The following KCP variants were observed in gnomAD, a reference collection of about 807,000 sequenced individuals.
The protein encoded by KCP is kielin cysteine rich BMP regulator.
A neutral mutation model predicts 212.7 loss-of-function variants in KCP; 194 were observed. The ratio of observed to expected loss-of-function variants is 0.91; its 90% CI spans 0.81 to 1.03. The LOEUF (loss-of-function observed/expected upper bound fraction) is 1.03, where lower values mean the gene tolerates loss of function less well. Among genes scored for constraint, KCP ranks in the 50% least tolerant of loss-of-function variants. The pLI, the probability that KCP is intolerant of heterozygous loss-of-function variation, is 0.00. For synonymous variants in KCP, 833 were observed against 865.3 expected (o/e 0.96, Z 0.65); for missense variants, 2,080 against 2,162.5 (o/e 0.96, Z 0.76).
rs1323884628 is a variant in KCP, at chr7:128,877,099, C to T, written c.4831G>A (p.Asp1611Asn). ...EACPQVLLTG[D>N]QPLGARPSPS... is the part of the protein sequence containing the mutation. ...CTGGGCCGAGCACCAAGTGGCTGGT[C>T]TCCAGTGAGCAGGACTTGGGGGCAG... The change falls in exon 40 of 40, where the codon GAC becomes AAC. Residue 1611 changes from aspartate (D) to asparagine (N), a missense_variant. By Grantham distance (23) the Asp-to-Asn change is conservative. Coordinates refer to ENST00000610776, the MANE Select transcript of KCP (RefSeq NM_001366122.1). 4.0e-6 allele frequency: 6 copies of T among 1,518,644 alleles called. No individual in the cohort carries two copies. The highest frequency in any genetic ancestry group is 4.4e-6 in the Non-Finnish European group (5 of 1,137,272). 94.1% of individuals were successfully genotyped at this position (1,518,644 alleles called of 1,614,324 possible). A position where few individuals can be genotyped will look rare whatever the true frequency, so the allele number is the denominator to read the frequency against.
In KCP at chr7:128,902,832, T is replaced by TCC. The variant is rs1563051084; in HGVS notation, c.774_775dup (p.Glu259GlyfsTer55). On this transcript the variant is annotated frameshift_variant, in exon 8 of 40. Coordinates refer to ENST00000610776, the MANE Select transcript of KCP (RefSeq NM_001366122.1). LOFTEE classifies it high-confidence loss of function. ...AGGTGTTGTCCACTCTTGGCCATGTTCCCAGTGAGAGCCACCTTCTGTGCA... is the reference window on the plus strand; with the variant it reads ...AGGTGTTGTCCACTCTTGGCCATGTTCCCCCAGTGAGAGCCACCTTCTGTGCA... 14 of 1,551,452 alleles carry TCC rather than the reference T, an allele frequency of 9.0e-6. No homozygotes were observed. The highest frequency in any genetic ancestry group is 1.4e-5 in the African/African-American group (1 of 73,152).
At chr7:128,881,134 C>T (rs1196563358) in intron 31 of KCP, 49 bp from the exon 32 acceptor site, 1 of 398,908 alleles carries the variant, frequency 2.5e-6, no homozygotes, top group Non-Finnish European at 4.4e-6. Flanking sequence ...CCTGCTGTAT[C>T]CTCCCTCCTT....
intron 20 of KCP, 24 bp downstream of exon 20, chr7:128,890,881 G>T: frequency 8.0e-7 from 1 of 1,249,846 alleles, no homozygotes; most frequent in Non-Finnish European, 1.0e-6. Flanking sequence ...CGGGTGGCCG[G>T]GAGGGGCACC....
rs372463038 is a variant in KCP at position 128,891,726 on chromosome 7, G to A, written c.1715C>T (p.Ala572Val). The A allele has an allele frequency of 2.2e-3, 3,135 of 1,447,680 alleles. 75 individuals are homozygous for A. In the South Asian group the frequency reaches 0.04, roughly 18 times the overall value. The allele number at this position is 1,447,680 out of a possible 1,614,324, so 89.7% of individuals were successfully genotyped here. ...CQECRCQEGHAHCQPRPCPRA... is the reference protein window; with the variant it reads ...CQECRCQEGHVHCQPRPCPRA... ...GGGGCAGGGGCGAGGCTGGCAGTGG[G>A]CATGGCCTTCCTGGCATCGGCACTC... Residue 572 changes from alanine (A) to valine (V), a missense_variant, in exon 17 of 40, where the codon GCC (alanine) becomes GTC (valine). Physicochemically the swap from Ala to Val is moderately conservative, Grantham distance 64. Coordinates refer to ENST00000610776, the MANE Select transcript of KCP (RefSeq NM_001366122.1).
Position 128,893,793 on chromosome 7 carries a change from G to A in KCP, c.1099+13C>T, listed in dbSNP as rs1291173760. 3.9e-5 allele frequency: 61 copies of A among 1,548,728 alleles called. No homozygotes were observed. The highest frequency in any genetic ancestry group is 2.7e-4 in the African/African-American group (20 of 73,032). ...GGCCTGCCCCTCCCGCAGAGACCCC[G>A]GCCCCCACTCACCATCGCAGACAGG... On this transcript the variant is annotated intron_variant, in intron 11 of 39. Transcript: ENST00000610776.
At position 128,881,656 on chromosome 7, in the gene KCP, G is replaced by C; in HGVS notation, c.3394C>G (p.Pro1132Ala). ...LSCPLSERHT[P>A]PGSCCPVCRE... Reference sequence around the variant, plus strand: ...CATACGGGGCAGCAGCTCCCAGGGGGAGTGTGGCGCTCTGAGAGGGGACAG... The same window carrying C: ...CATACGGGGCAGCAGCTCCCAGGGGCAGTGTGGCGCTCTGAGAGGGGACAG... The change falls in exon 31 of 40, where the codon CCC becomes GCC. Residue 1132 changes from proline (P) to alanine (A), a missense_variant. Transcript: ENST00000610776. 2 of 1,512,820 alleles carry C rather than the reference G, an allele frequency of 1.3e-6. No individual in the cohort carries two copies. The highest frequency in any genetic ancestry group is 1.8e-6 in the Non-Finnish European group (2 of 1,136,694). 93.7% of individuals were successfully genotyped at this position (1,512,820 alleles called of 1,614,324 possible). A position where few individuals can be genotyped will look rare whatever the true frequency, so the allele number is the denominator to read the frequency against.
At position 128,907,289 on chromosome 7, in the gene KCP, G is replaced by A. The variant is rs781574662; in HGVS notation, c.384C>T (p.Pro128=). Residue 128 remains proline, a synonymous_variant, in exon 3 of 40, where the codon CCC becomes CCT. Coordinates refer to ENST00000610776, the MANE Select transcript of KCP (RefSeq NM_001366122.1). ...CCCTGCAATGGGGCAGGTGTGCTTG[G>A]GGGCCACAGTGAGCGGCCCCATCCT... ...VCQDGAAHCG[P]QAHLPHCRGC... 1 of 1,535,852 alleles carries A rather than the reference G, an allele frequency of 6.5e-7. No individual in the cohort carries two copies. Among genetic ancestry groups the A allele is most frequent in the African/African-American group, 1.4e-5 (1 of 72,848 alleles).
At chr7:128,905,514 G>A (rs1345638052) in intron 5 of KCP, among the ~76,000 whole-genome samples, 3 of 151,986 alleles carry the variant, frequency 2.0e-5, no homozygotes, top group South Asian at 2.1e-4. Flanking sequence ...GCTCCTGCCC[G>A]TCCTTTAGAA....
At chr7:128,886,401 G>T in intron 26 of KCP, 63 bp downstream of exon 26, 5 of 1,352,614 alleles carry the variant, frequency 3.7e-6, no homozygotes, top group Middle Eastern at 2.5e-4. Context: ...AGGGAGGTGG[G>T]GTGGACAGAG....
Position 128,891,543 on chromosome 7 carries a change from G to A in KCP, c.1796-10C>T. The A allele has an allele frequency of 1.3e-6, 2 of 1,546,624 alleles. No homozygotes were observed. Among genetic ancestry groups the A allele is most frequent in the Non-Finnish European group, 1.7e-6 (2 of 1,144,094 alleles). ...CCGCCAAAGGCACAGCCTGGGGGAG[G>A]GAGGGGCTATAGCCTGGGAGAGGGC... On this transcript the variant is annotated splice_polypyrimidine_tract_variant and intron_variant, in intron 17 of 39. Coordinates refer to ENST00000610776, the MANE Select transcript of KCP (RefSeq NM_001366122.1).
chr7:128,890,355 G>A lies in KCP; in HGVS notation c.2323C>T (p.Pro775Ser), dbSNP rs1486735218. The A allele has an allele frequency of 6.4e-7, 1 of 1,551,400 alleles. No homozygotes were observed. Among genetic ancestry groups the A allele is most frequent in the African/African-American group, 1.4e-5 (1 of 73,066 alleles). Reference protein sequence around the residue: ...CPFPARGDCCPDCDGCEYLGE... With the variant: ...CPFPARGDCCSDCDGCEYLGE... ...CCATGACCCTCACCATCACAGTCAG[G>A]GCAGCAGTCGCCCCTGGCAGGGAAG... Residue 775 changes from proline (P) to serine (S), a missense_variant, in exon 21 of 40, where the codon CCT becomes TCT. Physicochemically the swap from Pro to Ser is moderately conservative, Grantham distance 74. Coordinates refer to ENST00000610776, the MANE Select transcript of KCP (RefSeq NM_001366122.1).
rs1169408045 is a variant in KCP at position 128,906,402 on chromosome 7, T to G, written c.487-39A>C. On this transcript the variant is annotated intron_variant, in intron 4 of 39. Coordinates refer to ENST00000610776, the MANE Select transcript of KCP (RefSeq NM_001366122.1). ...CTGAGGTGGCTGCACAGACATCAGA[T>G]TCCTGGAGGGCAGGGCCTCTGGAAG... 6.5e-6 allele frequency: 9 copies of G among 1,393,298 alleles called. No homozygotes were observed. The African/African-American group carries it at 7.2e-5, about 11-fold the overall frequency. 86.3% of individuals were successfully genotyped at this position (1,393,298 alleles called of 1,614,324 possible).
chr7:128,910,576 C>T, intron 1 of KCP, 25 bp downstream of exon 1: 2 of 1,508,890 alleles, frequency 1.3e-6, no homozygotes, highest in Non-Finnish European at 1.8e-6. Context: ...TGGCCGGACC[C>T]CAAGCCTCCC....
rs576754786 is a variant in KCP, at chr7:128,883,253, C to T, written c.3244+749G>A. On this transcript the variant is annotated intron_variant, in intron 29 of 39. Transcript: ENST00000610776. ...CTCCCGGGTTCAAGCTATCCTCCTG[C>T]CTCAGCCTCCCGAGTAGCTGGGACT... Among the ~76,000 whole-genome samples the T allele has an allele frequency of 2.0e-5, 3 of 151,910 alleles. No individual in the cohort carries two copies. In the East Asian group the frequency reaches 5.8e-4, roughly 30 times the overall value.
intron 20 of KCP, 125 bp downstream of exon 20, chr7:128,890,780 C>T: frequency 1.1e-6 from 1 of 937,884 alleles, no homozygotes; most frequent in Non-Finnish European, 1.5e-6. Context: ...CCGGACACTA[C>T]ATTCCTAACA....
rs1437468275 is a variant in KCP at position 128,884,790 on chromosome 7, G to A, written c.3114C>T (p.Cys1038=). Residue 1038 remains cysteine, a synonymous_variant, in exon 28 of 40, where the codon TGC becomes TGT. Transcript: ENST00000610776. ...FQPGADPCEV[C]ICEPQPEGPP... ...CTGTGCCCTCACCTACCTCGCAGATGCACACTTCACAGGGGTCTGCCCCAG... is the reference window on the plus strand; with the variant it reads ...CTGTGCCCTCACCTACCTCGCAGATACACACTTCACAGGGGTCTGCCCCAG... 1.3e-6 allele frequency: 2 copies of A among 1,551,034 alleles called. No individual in the cohort carries two copies. Among genetic ancestry groups the A allele is most frequent in the Non-Finnish European group, 8.7e-7 (1 of 1,146,942 alleles).
chr7:128,893,654 T>C (rs1585229636), intron 11 of KCP, among the ~76,000 whole-genome samples, 152 bp downstream of exon 11: 1 of 152,190 alleles, frequency 6.6e-6, no homozygotes, highest in East Asian at 1.9e-4. Context: ...GGCCCCAGCA[T>C]GGTGCCAGTT....
chr7:128,888,915 C>T lies in KCP; in HGVS notation c.2460G>A (p.Pro820=), dbSNP rs1488251223. The T allele has an allele frequency of 6.5e-6, 10 of 1,549,882 alleles. No individual in the cohort carries two copies. The highest frequency in any genetic ancestry group is 4.9e-5 in the East Asian group (2 of 40,848). The change falls in exon 22 of 40, where the codon CCG becomes CCA. Residue 820 remains proline, a synonymous_variant. Coordinates refer to ENST00000610776, the MANE Select transcript of KCP (RefSeq NM_001366122.1). ...AGGGGATGAGTGGGTGGCTGCAGCC[C>T]GGAGGCTCACAGGGCCGGCGGCCGC... The part of the protein sequence containing the change: ...VTCGRRPCEP[P]GCSHPLIPSG...
rs1793186862 is a variant in KCP, at chr7:128,879,542, GCAGGA to G, written c.4121_4125del (p.Ile1374ThrfsTer47). The G allele has an allele frequency of 3.8e-5, 59 of 1,550,062 alleles. No homozygotes were observed. The highest frequency in any genetic ancestry group is 4.9e-5 in the Non-Finnish European group (56 of 1,146,856). ...CGCACCTGGAGCCCGGGCTGGGCGTGCAGGATCACAGTGTGTCCTCGCAGCTCCAC... is the reference window on the plus strand; with the variant it reads ...CGCACCTGGAGCCCGGGCTGGGCGTGTCACAGTGTGTCCTCGCAGCTCCAC... On this transcript the variant is annotated frameshift_variant, in exon 37 of 40. Transcript: ENST00000610776. LOFTEE classifies it high-confidence loss of function.
Sources: allele counts gnomAD v4.1 joint callset (sites outside exome capture counted in the v4.1 genomes callset), GRCh38; gene constraint gnomAD v4.1.1; transcripts MANE v1.5; gene names NCBI Gene and HGNC (gene_info 2026-07-23, HGNC 2026-07-21).